Variants in CELF2 observed in about 807,000 individuals in gnomAD.
CELF2 encodes the protein CUGBP Elav-like family member 2.
CELF2 carries 8 observed loss-of-function variants against 62.6 expected under a neutral mutation model. The observed-to-expected ratio is 0.13, with a 90% CI of 0.07 to 0.23. CELF2 has a LOEUF of 0.23. CELF2 is among the 10% of genes least tolerant of loss of function. CELF2 has a pLI of 1.00. For synonymous variants in CELF2, 258 were observed against 250.0 expected, an observed-to-expected ratio of 1.03 and a Z score of -0.30; for missense variants, 333 against 671.0, an observed-to-expected ratio of 0.50 and a Z score of 5.56.
At chr10:10,531,951 T>C in the CELF2 span, among the ~76,000 whole-genome samples, 2 of 152,208 alleles carry the variant, frequency 1.3e-5, no homozygotes, top group Non-Finnish European at 2.9e-5. Context: ...AATGGCTATA[T>C]TGACTCTACC....
At chr10:11,295,497 G>A (rs1359817866) in intron 9 of CELF2, among the ~76,000 whole-genome samples, 1 of 152,222 alleles carries the variant, frequency 6.6e-6, no homozygotes, top group Non-Finnish European at 1.5e-5. Flanking sequence ...AAGAGTGGGA[G>A]AGGGAAGCTC....
chr10:10,987,974 T>A (rs1268512677), intron 2 of CELF2, among the ~76,000 whole-genome samples: 1 of 152,078 alleles, frequency 6.6e-6, no homozygotes, highest in African/African-American at 2.4e-5. Context: ...GATGTTGGCA[T>A]GGATGTGGTG....
Position 11,117,890 on chromosome 10 carries a change from G to A in CELF2, c.75-47596G>A, listed in dbSNP as rs143211395. Among the ~76,000 whole-genome samples the A allele has an allele frequency of 6.6e-5, 10 of 152,096 alleles. No homozygotes were observed. In the East Asian group the frequency reaches 7.7e-4, roughly 12 times the overall value. ...GTCACTCCTCACAGCCTTTTTCTGC[G>A]CTATCCTTTTATACATTTTTTATAA... On this transcript the variant is annotated intron_variant, in intron 1 of 12. Transcript: ENST00000633077. This position sits in a 1 kb window ranked among gnomAD's most constrained non-coding sequence, Gnocchi z 4.1.
chr10:10,937,948 G>A (rs1249540479), intron 2 of CELF2, among the ~76,000 whole-genome samples: 1 of 152,096 alleles, frequency 6.6e-6, no homozygotes, highest in Non-Finnish European at 1.5e-5. Flanking sequence ...AATTGTCTTT[G>A]TTTTATTTAC....
rs1018345276 is a variant in CELF2, at chr10:11,008,776, G to A, written c.53+3336G>A. ...ACCTTGGTTTTGTCATCATGGTAGT[G>A]AGCATATTAGAAATATCCCACTTAG... On this transcript the variant is annotated intron_variant, in intron 1 of 12. Coordinates refer to the CELF2 transcript ENST00000416382. The surrounding 1 kb of genome is among the most constrained non-coding windows in gnomAD (Gnocchi z 4.5). Among the ~76,000 whole-genome samples the A allele has an allele frequency of 3.3e-5, 5 of 152,196 alleles. No individual in the cohort carries two copies. The highest frequency in any genetic ancestry group is 1.2e-4 in the African/African-American group (5 of 41,436).
rs891535227 is a variant in CELF2 at position 11,253,910 on chromosome 10, T to TTTTTG, written c.404-3812_404-3808dup. 5.9e-5 allele frequency among the ~76,000 whole-genome samples: 9 copies of TTTTTG among 152,184 alleles called. No homozygotes were observed. In the South Asian group the frequency reaches 8.3e-4, roughly 14 times the overall value. On this transcript the variant is annotated intron_variant, in intron 4 of 12. Transcript: ENST00000633077. ...AAATGACTTTTACCCTTCAAGTGTT[T>TTTTTG]TTTTGTTTTGTTTTGTTTTGGTTTT...
the CELF2 span, among the ~76,000 whole-genome samples, chr10:10,492,249 A>C: frequency 6.6e-5 from 10 of 152,140 alleles, no homozygotes; most frequent in Admixed American, 6.5e-4. Flanking sequence ...ACAACAGCTC[A>C]AATCCAGCCT....
the CELF2 span, among the ~76,000 whole-genome samples, chr10:10,533,061 C>T: frequency 3.3e-5 from 5 of 152,232 alleles, no homozygotes; most frequent in African/African-American, 9.6e-5. Flanking sequence ...GGGTTTGTAA[C>T]TGAGAAGAAA....
intron 5 of CELF2, among the ~76,000 whole-genome samples, chr10:11,263,466 G>T (rs777473568): frequency 6.6e-6 from 1 of 151,968 alleles, no homozygotes; most frequent in African/African-American, 2.4e-5. Context: ...TTGTTTCTCC[G>T]GCATTTGGGT....
intron 2 of CELF2, among the ~76,000 whole-genome samples, chr10:11,200,575 C>T (rs1243570317): frequency 6.6e-6 from 1 of 152,246 alleles, no homozygotes; most frequent in Non-Finnish European, 1.5e-5. Flanking sequence ...CTTGCTGGCT[C>T]ATGACTTACC....
intron 2 of CELF2, among the ~76,000 whole-genome samples, chr10:11,167,746 G>C (rs1301586366): frequency 6.6e-6 from 1 of 152,236 alleles, no homozygotes. Context: ...AGGGAGGCCT[G>C]ATGAGGGAAG....
intron 1 of CELF2, among the ~76,000 whole-genome samples, chr10:10,865,688 G>A (rs1052040711): frequency 1.3e-5 from 2 of 152,082 alleles, no homozygotes; most frequent in African/African-American, 2.4e-5. Flanking sequence ...ATCCTCTGAG[G>A]ATTAGATTTT....
intron 1 of CELF2, chr10:11,102,071 T>C (rs1052139854): frequency 1.1e-4 from 17 of 152,254 alleles, no homozygotes; most frequent in African/African-American, 3.1e-4. Flanking sequence ...GATAAGCCAC[T>C]GTGGTTGATT....
chr10:10,719,997 A>T, the CELF2 span, among the ~76,000 whole-genome samples: 1 of 152,198 alleles, frequency 6.6e-6, no homozygotes, highest in Non-Finnish European at 1.5e-5. Context: ...TCTGAATATC[A>T]TCATTTCCTC....
chr10:10,644,026 C>T, the CELF2 span, among the ~76,000 whole-genome samples: 1 of 152,168 alleles, frequency 6.6e-6, no homozygotes, highest in African/African-American at 2.4e-5. Context: ...ATCATCCTGT[C>T]CTGGATCCCC....
chr10:10,574,873 T>A, the CELF2 span, among the ~76,000 whole-genome samples: 1 of 70,654 alleles, frequency 1.4e-5, no homozygotes, highest in Non-Finnish European at 2.6e-5. Flanking sequence ...CCATGCCTGG[T>A]TTTTTTTTTT....
At chr10:10,898,908 A>G (rs1271972338) in intron 1 of CELF2, among the ~76,000 whole-genome samples, 1 of 152,262 alleles carries the variant, frequency 6.6e-6, no homozygotes, top group Non-Finnish European at 1.5e-5. Flanking sequence ...GATATAAAAT[A>G]TGTAAATGAT....
intron 1 of CELF2, among the ~76,000 whole-genome samples, chr10:11,091,754 A>G (rs1280476694): frequency 6.6e-6 from 1 of 152,226 alleles, no homozygotes; most frequent in African/African-American, 2.4e-5. Flanking sequence ...AAGGCAAGCA[A>G]TAAAATTACC....
chr10:11,009,011 G>C lies in CELF2; in HGVS notation c.53+3571G>C, dbSNP rs911293226. On this transcript the variant is annotated intron_variant, in intron 1 of 12. Transcript: ENST00000416382. ...ATAATTCCTGGGGAATTTGCGGGGG[G>C]GGGGGGGGAGCATTCCTGATTCATA... is the stretch of plus-strand genomic sequence containing the variant. Among the ~76,000 whole-genome samples, 284 of 143,936 alleles carry C rather than the reference G, an allele frequency of 2.0e-3. 7 individuals carry two copies. The highest frequency in any genetic ancestry group is 6.9e-3 in the African/African-American group (274 of 39,758). The allele number at this position is 143,936 out of a possible 152,430, so 94.4% of individuals were successfully genotyped here. A position where few individuals can be genotyped will look rare whatever the true frequency, so the allele number is the denominator to read the frequency against.
Sources: gnomAD v4.1 joint callset for allele counts (sites outside exome capture counted in the v4.1 genomes callset) on GRCh38, gnomAD v4.1.1 for gene constraint, Gnocchi (gnomAD v3.1) non-coding constraint, MANE v1.5 for transcripts, NCBI Gene and HGNC (gene_info 2026-07-23, HGNC 2026-07-21) for gene names.